The following KCNQ3 variants were observed in gnomAD, a reference collection of about 807,000 sequenced individuals.
KCNQ3 encodes the protein potassium voltage-gated channel subfamily KQT member 3.
KCNQ3 carries 30 observed loss-of-function variants against 92.5 expected under a neutral mutation model. The ratio of observed to expected loss-of-function variants is 0.32; its 90% CI spans 0.24 to 0.44. The LOEUF is 0.44. KCNQ3 is among the 20% of genes least tolerant of loss of function. KCNQ3 has a pLI of 1.00. For synonymous variants in KCNQ3, 450 were observed against 468.8 expected, an observed-to-expected ratio of 0.96 and a Z score of 0.52; for missense variants, 913 against 1,140.3, an observed-to-expected ratio of 0.80 and a Z score of 2.87.
rs762334190 is a variant in KCNQ3 at position 132,132,174 on chromosome 8, A to T, written c.1884+6T>A. 1.9e-6 allele frequency: 3 copies of T among 1,584,458 alleles called. No homozygotes were observed. The highest frequency in any genetic ancestry group is 8.7e-7 in the Non-Finnish European group (1 of 1,152,996). On this transcript the variant is annotated splice_donor_region_variant and intron_variant, in intron 14 of 14. Coordinates refer to ENST00000388996, the MANE Select transcript of KCNQ3 (RefSeq NM_004519.4). ...CAGTTTTTGGTGAGAGGAAGAAAAGACTTACCTGTCTTTCAACTTTTACAA... is the reference window on the plus strand; with the variant it reads ...CAGTTTTTGGTGAGAGGAAGAAAAGTCTTACCTGTCTTTCAACTTTTACAA...
intron 9 of KCNQ3, among the ~76,000 whole-genome samples, chr8:132,151,901 G>A (rs1471374336): frequency 1.3e-5 from 2 of 152,156 alleles, no homozygotes; most frequent in Non-Finnish European, 2.9e-5. Context: ...CTATATTTTG[G>A]TGAATAACAT....
chr8:132,142,789 G>A (rs974339235), intron 9 of KCNQ3, among the ~76,000 whole-genome samples: 1 of 152,178 alleles, frequency 6.6e-6, no homozygotes, highest in African/African-American at 2.4e-5. Context: ...ATGTGCCCCT[G>A]CCAGAAGCTG....
At chr8:132,306,323 T>TCC (rs1418044369) in intron 1 of KCNQ3, among the ~76,000 whole-genome samples, 1 of 152,190 alleles carries the variant, frequency 6.6e-6, no homozygotes, top group Admixed American at 6.5e-5. Context: ...TTTTACAACT[T>TCC]CCCCTCAGGA....
chr8:132,186,984 G>C (rs1339882697), intron 1 of KCNQ3, among the ~76,000 whole-genome samples: 12 of 150,450 alleles, frequency 8.0e-5, no homozygotes, highest in Admixed American at 2.0e-4. Context: ...GAGAGAGAGA[G>C]AGAGAGTGAG....
chr8:132,389,850 G>A (rs1820002678), intron 1 of KCNQ3, among the ~76,000 whole-genome samples: 1 of 152,204 alleles, frequency 6.6e-6, no homozygotes, highest in Non-Finnish European at 1.5e-5. Flanking sequence ...CACCCTCTCA[G>A]GAAAACACCT....
chr8:132,179,931 A>G (rs1826697508), intron 4 of KCNQ3, among the ~76,000 whole-genome samples: 1 of 152,136 alleles, frequency 6.6e-6, no homozygotes, highest in African/African-American at 2.4e-5. Context: ...TGGAGCCAAT[A>G]CCTAACCTCA....
chr8:132,478,561 G>A (rs772466810), intron 1 of KCNQ3, among the ~76,000 whole-genome samples: 3 of 152,006 alleles, frequency 2.0e-5, no homozygotes, highest in Non-Finnish European at 4.4e-5. Context: ...CACCTAAAAA[G>A]AGCAAATGAA....
At chr8:132,309,458 T>G (rs1817526800) in intron 1 of KCNQ3, among the ~76,000 whole-genome samples, 1 of 152,242 alleles carries the variant, frequency 6.6e-6, no homozygotes, top group African/African-American at 2.4e-5. Flanking sequence ...TCACAGCTAC[T>G]GTATGGAGCA....
In KCNQ3 at chr8:132,129,665, G is replaced by A. The variant is rs1170552151; in HGVS notation, c.2216C>T (p.Thr739Ile). 6.2e-7 allele frequency: 1 copy of A among 1,614,080 alleles called. No homozygotes were observed. The highest frequency in any genetic ancestry group is 8.5e-7 in the Non-Finnish European group (1 of 1,180,050). The change falls in exon 15 of 15, where the codon ACA becomes ATA. Residue 739 changes from threonine (T) to isoleucine (I), a missense_variant. Transcript: ENST00000388996. This position sits in a 1 kb window ranked among gnomAD's most constrained non-coding sequence, Gnocchi z 5.9. ...GACCGTGGGCCTCTCCACATACGTT[G>A]TTGCTGAGGAAGGAGGAGTTGCCTG... is the stretch of plus-strand genomic sequence containing the variant. ...KVQATPPSSATTYVERPTVLP... is the reference protein window; with the variant it reads ...KVQATPPSSAITYVERPTVLP...
chr8:132,391,754 T>C (rs1820052243), intron 1 of KCNQ3, among the ~76,000 whole-genome samples: 1 of 152,128 alleles, frequency 6.6e-6, no homozygotes, highest in African/African-American at 2.4e-5. Flanking sequence ...CCTCAGGACA[T>C]ATTCTCAACC....
chr8:132,461,721 A>G (rs774124465), intron 1 of KCNQ3, among the ~76,000 whole-genome samples: 2 of 152,208 alleles, frequency 1.3e-5, no homozygotes, highest in African/African-American at 2.4e-5. Flanking sequence ...ACCCCCATTC[A>G]AATAGGTGTG....
chr8:132,143,668 G>A (rs1008199725), intron 9 of KCNQ3, among the ~76,000 whole-genome samples: 8 of 152,192 alleles, frequency 5.3e-5, no homozygotes, highest in African/African-American at 1.9e-4. Flanking sequence ...TGCATGTCGA[G>A]TGCTCAGCCA....
chr8:132,469,366 C>T (rs552299502), intron 1 of KCNQ3, among the ~76,000 whole-genome samples: 7 of 152,294 alleles, frequency 4.6e-5, no homozygotes, highest in East Asian at 1.9e-4. Context: ...CTGCCACTCA[C>T]GCTCTCTCAC....
intron 1 of KCNQ3, among the ~76,000 whole-genome samples, chr8:132,274,355 C>T (rs1010570933): frequency 6.6e-6 from 1 of 152,138 alleles, no homozygotes; most frequent in Admixed American, 6.5e-5. Context: ...CACAGAGCAG[C>T]ACAAGAAAGA....
intron 1 of KCNQ3, among the ~76,000 whole-genome samples, chr8:132,454,249 C>G (rs1821890065): frequency 6.6e-6 from 1 of 152,102 alleles, no homozygotes; most frequent in East Asian, 1.9e-4. Context: ...CATGTAGGTT[C>G]CATCCCAGCT....
intron 1 of KCNQ3, among the ~76,000 whole-genome samples, chr8:132,364,623 A>T (rs1819261229): frequency 6.6e-6 from 1 of 152,118 alleles, no homozygotes; most frequent in African/African-American, 2.4e-5. Flanking sequence ...CCTAACATAT[A>T]GTAGGCAATT....
At chr8:132,163,445 G>T (rs1463555249) in intron 9 of KCNQ3, 23 bp downstream of exon 9, 1 of 1,601,766 alleles carries the variant, frequency 6.2e-7, no homozygotes, top group African/African-American at 1.3e-5. Flanking sequence ...TGTGAAGAAG[G>T]GAATTCATAA....
Position 132,381,888 on chromosome 8 carries a change from T to C in KCNQ3, c.386+98259A>G, listed in dbSNP as rs536659779. ...TTGTCTCAGGTCAAACTGAGCCTCC[T>C]GGCAGAAATGAACAGGAAACATCTT... On this transcript the variant is annotated intron_variant, in intron 1 of 14. Transcript: ENST00000388996. 2.6e-5 allele frequency among the ~76,000 whole-genome samples: 4 copies of C among 152,340 alleles called. No homozygotes were observed. The South Asian group carries it at 6.2e-4, about 24-fold the overall frequency.
intron 1 of KCNQ3, among the ~76,000 whole-genome samples, chr8:132,250,220 A>C (rs775214474): frequency 1.3e-5 from 2 of 152,210 alleles, no homozygotes; most frequent in Non-Finnish European, 2.9e-5. Flanking sequence ...CACTGGTAGC[A>C]GTCTTGCCTC....
Sources: allele counts gnomAD v4.1 joint callset (sites outside exome capture counted in the v4.1 genomes callset), GRCh38; gene constraint gnomAD v4.1.1; non-coding constraint Gnocchi (gnomAD v3.1); transcripts MANE v1.5; gene names NCBI Gene and HGNC (gene_info 2026-07-23, HGNC 2026-07-21).